The following CAMKMT variants were observed in gnomAD, a reference collection of about 807,000 sequenced individuals.
The protein encoded by CAMKMT is calmodulin-lysine N-methyltransferase.
Under a neutral mutation model 48.0 loss-of-function variants are expected in CAMKMT, and 53 were observed. That is an observed-to-expected ratio of 1.10 (90% CI 0.89 to 1.39). The LOEUF (loss-of-function observed/expected upper bound fraction) is 1.39, where lower values mean the gene tolerates loss of function less well. CAMKMT is among the 40% of genes most tolerant of loss of function. CAMKMT has a pLI of 0.00. For missense variants in CAMKMT, 428 were observed against 402.7 expected, an observed-to-expected ratio of 1.06 and a Z score of -0.54; for synonymous variants, 165 against 152.3, an observed-to-expected ratio of 1.08 and a Z score of -0.61.
At chr2:44,601,628 T>C (rs969673394) in intron 3 of CAMKMT, among the ~76,000 whole-genome samples, 5 of 152,064 alleles carry the variant, frequency 3.3e-5, no homozygotes, top group African/African-American at 1.2e-4. Context: ...ACTTTTGTTA[T>C]CAAATAATTC....
intron 3 of CAMKMT, among the ~76,000 whole-genome samples, chr2:44,438,488 G>A (rs1169499082): frequency 6.6e-6 from 1 of 152,182 alleles, no homozygotes; most frequent in Non-Finnish European, 1.5e-5. Flanking sequence ...GAGTTAAAGA[G>A]TAGTCCTCAA....
chr2:44,714,410 T>C (rs1456255570), intron 6 of CAMKMT, among the ~76,000 whole-genome samples: 3 of 152,208 alleles, frequency 2.0e-5, no homozygotes, highest in African/African-American at 4.8e-5. Flanking sequence ...AATGTGGCTC[T>C]TTTGTACAAG....
chr2:44,725,671 G>A (rs543800947), intron 7 of CAMKMT, among the ~76,000 whole-genome samples: 102 of 152,220 alleles, frequency 6.7e-4, no homozygotes, highest in Admixed American at 7.2e-4. Context: ...GGAAATAAGA[G>A]GTAGAAGTAG....
rs568150934 is a variant in CAMKMT, at chr2:44,390,320, C to G, written c.376+15C>G. The G allele has an allele frequency of 6.5e-7, 1 of 1,543,268 alleles. No individual in the cohort carries two copies. Among genetic ancestry groups the G allele is most frequent in the East Asian group, 2.3e-5 (1 of 44,342 alleles). ...AGGAAATGTTTGTAAGTTATACATT[C>G]ACTCTATAGAAATATATTTAGTGTT... On this transcript the variant is annotated intron_variant, in intron 3 of 10. Transcript: ENST00000378494.
intron 3 of CAMKMT, among the ~76,000 whole-genome samples, chr2:44,634,664 C>A (rs1673018652): frequency 6.6e-6 from 1 of 151,822 alleles, no homozygotes; most frequent in South Asian, 2.1e-4. Context: ...TTAGAGAGGA[C>A]AAACATGTAA....
intron 6 of CAMKMT, among the ~76,000 whole-genome samples, chr2:44,711,654 G>A (rs1677885663): frequency 6.6e-6 from 1 of 152,120 alleles, no homozygotes; most frequent in African/African-American, 2.4e-5. Flanking sequence ...AGAAAATAAA[G>A]TGTAACTGCC....
intron 3 of CAMKMT, among the ~76,000 whole-genome samples, chr2:44,502,784 A>G (rs1237084213): frequency 1.3e-5 from 2 of 152,202 alleles, no homozygotes; most frequent in African/African-American, 2.4e-5. Context: ...ATTTTAGAAG[A>G]GAGAAGGTAA....
intron 3 of CAMKMT, among the ~76,000 whole-genome samples, chr2:44,557,858 A>T (rs1572794550): frequency 6.6e-6 from 1 of 152,100 alleles, no homozygotes; most frequent in Non-Finnish European, 1.5e-5. Context: ...TTTAAGATTA[A>T]CCATTGCTCT....
intron 9 of CAMKMT, among the ~76,000 whole-genome samples, chr2:44,761,738 A>G (rs1413969972): frequency 6.6e-6 from 1 of 152,172 alleles, no homozygotes. Flanking sequence ...AAAGTGACAG[A>G]TACGGAAGTG....
intron 7 of CAMKMT, among the ~76,000 whole-genome samples, chr2:44,737,560 G>A (rs1285945438): frequency 6.6e-6 from 1 of 152,154 alleles, no homozygotes; most frequent in Non-Finnish European, 1.5e-5. Flanking sequence ...TGTAAATTAT[G>A]AGGTTTTCTA....
In CAMKMT at chr2:44,455,428, G is replaced by T. The variant is rs138410283; in HGVS notation, c.376+65123G>T. ...TGCGTTGCCATGATACACTGTAAGG[G>T]CTTCAGGAAAATGGGATATGGCAGT... is the stretch of plus-strand genomic sequence containing the variant. On this transcript the variant is annotated intron_variant, in intron 3 of 10. Transcript: ENST00000378494. Among the ~76,000 whole-genome samples the T allele has an allele frequency of 3.4e-3, 525 of 152,278 alleles. 2 individuals are homozygous for T. The highest frequency in any genetic ancestry group is 0.012 in the African/African-American group (486 of 41,560).
chr2:44,746,450 T>C (rs1679920809), intron 8 of CAMKMT, among the ~76,000 whole-genome samples: 1 of 152,016 alleles, frequency 6.6e-6, no homozygotes, highest in African/African-American at 2.4e-5. Flanking sequence ...GTGGGGGAAA[T>C]AACTTATTTC....
At chr2:44,512,100 T>C (rs72879347) in intron 3 of CAMKMT, among the ~76,000 whole-genome samples, 1,818 of 152,308 alleles carry the variant, frequency 0.012, 32 homozygotes, top group African/African-American at 0.038. Flanking sequence ...ATGACACTTG[T>C]AGTCACTGCT....
chr2:44,506,082 C>CT (rs1443497618), intron 3 of CAMKMT, among the ~76,000 whole-genome samples: 1 of 152,064 alleles, frequency 6.6e-6, no homozygotes, highest in African/African-American at 2.4e-5. Context: ...TCTCGAACTC[C>CT]TGGGCTCAAG....
chr2:44,405,413 A>G (rs906556703), intron 3 of CAMKMT, among the ~76,000 whole-genome samples: 1 of 152,112 alleles, frequency 6.6e-6, no homozygotes, highest in Non-Finnish European at 1.5e-5. Flanking sequence ...GATGTCCAAG[A>G]TGTATTTTTA....
chr2:44,547,476 T>G (rs907864951), intron 3 of CAMKMT, among the ~76,000 whole-genome samples: 2 of 152,108 alleles, frequency 1.3e-5, no homozygotes, highest in Admixed American at 1.3e-4. Flanking sequence ...ACCATGATCA[T>G]GTCTGTGAAT....
intron 3 of CAMKMT, among the ~76,000 whole-genome samples, chr2:44,536,139 A>C (rs551436799): frequency 6.6e-6 from 1 of 152,318 alleles, no homozygotes; most frequent in East Asian, 1.9e-4. Flanking sequence ...ATCTAGACAT[A>C]AATTTAACAA....
chr2:44,562,197 T>C, intron 3 of CAMKMT, among the ~76,000 whole-genome samples: 1 of 152,210 alleles, frequency 6.6e-6, no homozygotes, highest in South Asian at 2.1e-4. Context: ...CTAAGAGCCA[T>C]GTCCCCCTTC....
At chr2:44,457,308 TG>T (rs1392490209) in intron 3 of CAMKMT, 2 of 152,186 alleles carry the variant, frequency 1.3e-5, no homozygotes, top group African/African-American at 4.8e-5. Context: ...CATCACTTTC[TG>T]GAAGGCAAAA....
Sources: allele counts gnomAD v4.1 joint callset (sites outside exome capture counted in the v4.1 genomes callset), GRCh38; gene constraint gnomAD v4.1.1; transcripts MANE v1.5; gene names NCBI Gene and HGNC (gene_info 2026-07-23, HGNC 2026-07-21).